IQSEC1: variants seen among roughly 807,000 people sequenced by gnomAD.
IQSEC1 encodes IQ motif and Sec7 domain ArfGEF 1.
In IQSEC1, 31 loss-of-function variants were observed where a neutral mutation model predicts 91.0. The ratio of observed to expected loss-of-function variants is 0.34; its 90% confidence interval spans 0.26 to 0.46. The LOEUF (loss-of-function observed/expected upper bound fraction) is 0.46, where lower values mean the gene tolerates loss of function less well. Among genes scored for constraint, IQSEC1 ranks in the 20% least tolerant of loss-of-function variants. The pLI is 1.00. For synonymous variants in IQSEC1, 699 were observed against 662.6 expected, an observed-to-expected ratio of 1.05 and a Z score of -0.84; for missense variants, 1,388 against 1,575.6, an observed-to-expected ratio of 0.88 and a Z score of 2.02.
chr3:12,983,566 G>C lies in IQSEC1; in HGVS notation c.24-41701C>G, dbSNP rs1701574073. 6.6e-6 allele frequency among the ~76,000 whole-genome samples: 1 copy of C among 152,138 alleles called. No individual in the cohort carries two copies. Among genetic ancestry groups the C allele is most frequent in the Non-Finnish European group, 1.5e-5 (1 of 68,028 alleles). ...CAGGATGAAGTGATGCCCCAGCCTT[G>C]AGCAGGGTGCCCAGAGGGGGTGCTG... On this transcript the variant is annotated intron_variant, in intron 1 of 13. Transcript: ENST00000613206. The surrounding 1 kb of genome is among the most constrained non-coding windows in gnomAD (Gnocchi z 4.3).
chr3:13,212,509 C>A (rs1694465238), intron 1 of IQSEC1, among the ~76,000 whole-genome samples: 1 of 152,204 alleles, frequency 6.6e-6, no homozygotes, highest in Non-Finnish European at 1.5e-5. Flanking sequence ...TGTAGGTTTT[C>A]ATCTCTCCTG....
intron 2 of IQSEC1, among the ~76,000 whole-genome samples, chr3:13,131,478 CTTTTTTTTT>C (rs61345195): frequency 2.4e-5 from 2 of 81,706 alleles, no homozygotes; most frequent in African/African-American, 9.3e-5. Context: ...AAATCTATGT[CTTTTTTTTT>C]TTTTTTTTTT....
At chr3:13,231,731 A>G (rs1388376682) in intron 1 of IQSEC1, among the ~76,000 whole-genome samples, 1 of 152,250 alleles carries the variant, frequency 6.6e-6, no homozygotes, top group Non-Finnish European at 1.5e-5. Context: ...ATAAATTACT[A>G]TGCCAAGACC....
chr3:12,970,642 TC>T lies in IQSEC1; in HGVS notation c.24-28778del, dbSNP rs1700847696. Among the ~76,000 whole-genome samples, 1 of 152,210 alleles carries T rather than the reference TC, an allele frequency of 6.6e-6. No individual in the cohort carries two copies. The highest frequency in any genetic ancestry group is 6.5e-5 in the Admixed American group (1 of 15,288). On this transcript the variant is annotated intron_variant, in intron 1 of 13. Coordinates refer to ENST00000613206, the MANE Select transcript of IQSEC1 (RefSeq NM_001134382.3). The surrounding 1 kb of genome is among the most constrained non-coding windows in gnomAD (Gnocchi z 4.4). Reference sequence around the variant, plus strand: ...ATCCCTTACCTCTCCTCCTGCCCACTCTATGCCTGCCACACCTCCAGCAACA... The same window carrying T: ...ATCCCTTACCTCTCCTCCTGCCCACTTATGCCTGCCACACCTCCAGCAACA...
intron 1 of IQSEC1, among the ~76,000 whole-genome samples, chr3:12,988,163 C>T (rs1414313838): frequency 6.6e-6 from 1 of 152,216 alleles, no homozygotes; most frequent in Non-Finnish European, 1.5e-5. Flanking sequence ...CCTGTAATCC[C>T]AGCACTTTGG....
chr3:13,079,927 T>C (rs1000177244), intron 2 of IQSEC1, among the ~76,000 whole-genome samples: 1 of 152,060 alleles, frequency 6.6e-6, no homozygotes, highest in Non-Finnish European at 1.5e-5. Flanking sequence ...AAAAGAGATA[T>C]AGCAAGGAAA....
chr3:12,913,969 AG>A (rs1342634672), intron 8 of IQSEC1, among the ~76,000 whole-genome samples: 2 of 152,238 alleles, frequency 1.3e-5, no homozygotes, highest in Non-Finnish European at 2.9e-5. Flanking sequence ...AAGTCTTTAC[AG>A]AGAGAATCTG....
intron 2 of IQSEC1, among the ~76,000 whole-genome samples, chr3:13,121,540 T>C (rs1706423191): frequency 6.6e-6 from 1 of 152,112 alleles, no homozygotes; most frequent in Admixed American, 6.5e-5. Flanking sequence ...CCCTGTGGCC[T>C]GTGGGGGAGA....
intron 10 of IQSEC1, among the ~76,000 whole-genome samples, chr3:12,911,059 G>A (rs1179952590): frequency 6.6e-6 from 1 of 152,216 alleles, no homozygotes; most frequent in Admixed American, 6.5e-5. Context: ...CTCACCCAGG[G>A]CCTTCCAGCA....
upstream of IQSEC1, among the ~76,000 whole-genome samples, chr3:13,073,736 G>T (rs1311633775): frequency 1.3e-5 from 2 of 152,262 alleles, no homozygotes; most frequent in South Asian, 4.1e-4. Context: ...CGCGAGCCGC[G>T]GAGCTCTCGG....
chr3:13,120,586 A>G (rs923590299), intron 2 of IQSEC1, among the ~76,000 whole-genome samples: 22 of 152,164 alleles, frequency 1.4e-4, no homozygotes, highest in African/African-American at 5.1e-4. Context: ...GTCTAGAGGG[A>G]GGATCTAAAT....
intron 1 of IQSEC1, among the ~76,000 whole-genome samples, chr3:13,182,570 T>G (rs926245944): frequency 3.3e-5 from 5 of 152,086 alleles, no homozygotes; most frequent in South Asian, 2.1e-4. Context: ...GATAGATGGC[T>G]AGAGAGATGG....
intron 1 of IQSEC1, among the ~76,000 whole-genome samples, chr3:13,276,402 C>G (rs1280083777): frequency 6.6e-6 from 1 of 152,124 alleles, no homozygotes. Context: ...TCAAAGCATT[C>G]TTGATGCCCT....
chr3:13,136,436 T>A (rs747079084), intron 2 of IQSEC1, among the ~76,000 whole-genome samples: 2 of 152,080 alleles, frequency 1.3e-5, no homozygotes, highest in Non-Finnish European at 2.9e-5. Flanking sequence ...AACTGGTAGA[T>A]CTGACTACAG....
rs1371955292 is a variant in IQSEC1 at position 13,148,523 on chromosome 3, G to GA, written c.302+15580dup. 5.3e-5 allele frequency among the ~76,000 whole-genome samples: 8 copies of GA among 152,202 alleles called. No individual in the cohort carries two copies. The East Asian group carries it at 1.2e-3, about 22-fold the overall frequency. Reference sequence around the variant, plus strand: ...ACACTTAAGAAGTGAAAGGCACTGGGAAAAAAAATTGCAGGTTTATGGGTT... The same window carrying GA: ...ACACTTAAGAAGTGAAAGGCACTGGGAAAAAAAAATTGCAGGTTTATGGGTT... On this transcript the variant is annotated intron_variant, in intron 2 of 15. Coordinates refer to the IQSEC1 transcript ENST00000648114.
intron 2 of IQSEC1, among the ~76,000 whole-genome samples, chr3:13,156,983 G>C (rs1707096270): frequency 6.6e-6 from 1 of 152,196 alleles, no homozygotes; most frequent in African/African-American, 2.4e-5. Flanking sequence ...GAAAACTCTT[G>C]ATGTTTTCAT....
intron 2 of IQSEC1, among the ~76,000 whole-genome samples, chr3:13,099,333 G>A (rs1418379902): frequency 6.6e-6 from 1 of 152,228 alleles, no homozygotes; most frequent in African/African-American, 2.4e-5. Context: ...TTTCGGGTGT[G>A]CAGGATTGCA....
At chr3:12,945,565 C>A (rs1021746218) in intron 1 of IQSEC1, among the ~76,000 whole-genome samples, 12 of 151,350 alleles carry the variant, frequency 7.9e-5, no homozygotes, top group African/African-American at 2.9e-4. Context: ...CAACTTCAAA[C>A]CACCCCAAAA....
chr3:12,934,500 A>G (rs1697986155), intron 3 of IQSEC1, among the ~76,000 whole-genome samples: 2 of 151,946 alleles, frequency 1.3e-5, no homozygotes, highest in African/African-American at 4.8e-5. Context: ...GCCATTCATC[A>G]CCCTAGTTTG....
Sources: allele counts gnomAD v4.1 joint callset (sites outside exome capture counted in the v4.1 genomes callset), GRCh38; gene constraint gnomAD v4.1.1; non-coding constraint Gnocchi (gnomAD v3.1); transcripts MANE v1.5; gene names NCBI Gene and HGNC (gene_info 2026-07-23, HGNC 2026-07-21).